ARID2: variants seen among roughly 807,000 people sequenced by gnomAD.
ARID2 encodes the protein AT-rich interaction domain 2, also known as AT-rich interactive domain-containing protein 2.
ARID2 carries 32 observed loss-of-function variants against 184.6 expected under a neutral mutation model. The ratio of observed to expected loss-of-function variants is 0.17; its 90% CI spans 0.13 to 0.23. The LOEUF is 0.23. Among genes scored for constraint, ARID2 ranks in the 10% least tolerant of loss-of-function variants. The pLI, the probability that ARID2 is intolerant of heterozygous loss-of-function variation, is 1.00. For missense variants in ARID2, 1,696 were observed against 2,197.6 expected (o/e 0.77, Z 4.56); for synonymous variants, 836 against 772.6 (o/e 1.08, Z -1.36).
intron 3 of ARID2, among the ~76,000 whole-genome samples, chr12:45,770,680 C>T (rs1199070893): frequency 1.3e-5 from 2 of 152,096 alleles, no homozygotes; most frequent in Non-Finnish European, 2.9e-5. Context: ...TTTATGGCCT[C>T]AGAATAGGGG....
At chr12:45,865,815 A>G (rs890059021) in intron 16 of ARID2, among the ~76,000 whole-genome samples, 1 of 152,118 alleles carries the variant, frequency 6.6e-6, no homozygotes, top group Non-Finnish European at 1.5e-5. Context: ...GTCACAGTGG[A>G]TATTTTGGGC....
At chr12:45,844,613 T>A (rs1171279956) in intron 11 of ARID2, among the ~76,000 whole-genome samples, 4 of 152,234 alleles carry the variant, frequency 2.6e-5, no homozygotes, top group Non-Finnish European at 4.4e-5. Context: ...CTCTCTTTAG[T>A]GTTCCACGTT....
chr12:45,828,591 A>G (rs1186776450), intron 6 of ARID2, among the ~76,000 whole-genome samples: 2 of 151,994 alleles, frequency 1.3e-5, no homozygotes, highest in East Asian at 3.9e-4. Flanking sequence ...CAGCAGTAGT[A>G]TGTCGGTTCC....
At chr12:45,891,951 T>C (rs750378004) in intron 17 of ARID2, 33 bp downstream of exon 17, 10 of 1,614,062 alleles carry the variant, frequency 6.2e-6, no homozygotes, top group Non-Finnish European at 8.5e-6. Flanking sequence ...GATCAGTAAC[T>C]CATTTGACTG....
Position 45,905,940 on chromosome 12 carries a change from C to CTTTTTTTTTTTTTTTTTTTTT in ARID2, c.*873_*874insTTTTTTTTTTTTTTTTTTTTT, listed in dbSNP as rs1362533296. The CTTTTTTTTTTTTTTTTTTTTT allele has an allele frequency of 3.0e-5, 5 of 166,970 alleles. No individual in the cohort carries two copies. Among genetic ancestry groups the CTTTTTTTTTTTTTTTTTTTTT allele is most frequent in the African/African-American group, 1.1e-4 (4 of 35,836 alleles). The allele number at this position is 166,970 out of a possible 1,614,324, so 10.3% of individuals were successfully genotyped here. A position where few individuals can be genotyped will look rare whatever the true frequency, so the allele number is the denominator to read the frequency against. Reference sequence around the variant, plus strand: ...GAACTGTGATTTTTTTTTCTTTTTTCTTTTTTTTTTTCTTTTTTTTTTTGT... The same window carrying CTTTTTTTTTTTTTTTTTTTTT: ...GAACTGTGATTTTTTTTTCTTTTTTCTTTTTTTTTTTTTTTTTTTTTTTTTTTTTTTTCTTTTTTTTTTTGT... On this transcript the variant is annotated 3_prime_UTR_variant, in exon 21 of 21. Transcript: ENST00000334344.
intron 6 of ARID2, 47 bp from the exon 7 acceptor site, chr12:45,836,542 G>A (rs766031938): frequency 1.9e-6 from 3 of 1,538,478 alleles, no homozygotes; most frequent in Non-Finnish European, 2.7e-6. Flanking sequence ...TAAAGCAATA[G>A]AATAGTTGTT....
chr12:45,893,349 T>A, intron 18 of ARID2, 71 bp from the exon 19 acceptor site: 1 of 1,508,784 alleles, frequency 6.6e-7, no homozygotes. Context: ...GTTGGCAGGG[T>A]GGTCATAGTT....
chr12:45,868,193 C>G (rs894465804), intron 16 of ARID2, among the ~76,000 whole-genome samples: 9 of 152,188 alleles, frequency 5.9e-5, no homozygotes, highest in Admixed American at 5.9e-4. Context: ...GTAATCCCAG[C>G]ACTTTGAGAG....
intron 6 of ARID2, among the ~76,000 whole-genome samples, chr12:45,834,727 G>A (rs1051524931): frequency 3.9e-5 from 6 of 152,174 alleles, no homozygotes; most frequent in Non-Finnish European, 8.8e-5. Context: ...GTGATAGAGC[G>A]AGATTCCGTC....
intron 3 of ARID2, among the ~76,000 whole-genome samples, chr12:45,810,042 G>A (rs1942675714): frequency 1.3e-5 from 2 of 152,184 alleles, no homozygotes; most frequent in South Asian, 4.1e-4. Flanking sequence ...GCTCCAAATG[G>A]ACTAAGCACC....
chr12:45,895,889 C>T (rs1944362640), intron 20 of ARID2, among the ~76,000 whole-genome samples: 1 of 151,848 alleles, frequency 6.6e-6, no homozygotes, highest in Admixed American at 6.6e-5. Context: ...GTTGTCTTAA[C>T]CAAAGAGAAG....
At chr12:45,806,463 C>T (rs1221070910) in intron 3 of ARID2, among the ~76,000 whole-genome samples, 2 of 152,104 alleles carry the variant, frequency 1.3e-5, no homozygotes, top group African/African-American at 4.8e-5. Context: ...CCGGTCTCTC[C>T]TATAGGACTA....
intron 3 of ARID2, among the ~76,000 whole-genome samples, chr12:45,779,140 T>C (rs1486480026): frequency 1.3e-5 from 2 of 152,082 alleles, no homozygotes; most frequent in African/African-American, 2.4e-5. Flanking sequence ...AATCTTCTTG[T>C]TCATAAATGT....
In ARID2 at chr12:45,745,482, T is replaced by A. The variant is rs77713592; in HGVS notation, c.284+14168T>A. ...ATTTATTACACTAACCACTCCATTC[T>A]GTTTTAAAAGGAATAATTTTAGAAG... On this transcript the variant is annotated intron_variant, in intron 3 of 20. Transcript: ENST00000334344. Among the ~76,000 whole-genome samples, 1,304 of 152,314 alleles carry A rather than the reference T, an allele frequency of 8.6e-3. 22 individuals carry two copies. The highest frequency in any genetic ancestry group is 0.03 in the African/African-American group (1,255 of 41,568).
chr12:45,857,952 G>A (rs994720072), intron 15 of ARID2, among the ~76,000 whole-genome samples: 2 of 152,152 alleles, frequency 1.3e-5, no homozygotes, highest in Admixed American at 6.5e-5. Flanking sequence ...TAGAGACCAG[G>A]TTTTGCCATG....
intron 20 of ARID2, among the ~76,000 whole-genome samples, chr12:45,900,201 C>A (rs1243351700): frequency 2.0e-5 from 3 of 152,134 alleles, no homozygotes; most frequent in Admixed American, 1.3e-4. Flanking sequence ...GCTGGAACTA[C>A]AGGCTCCCAC....
At chr12:45,896,675 T>A (rs1944372054) in intron 20 of ARID2, among the ~76,000 whole-genome samples, 1 of 152,110 alleles carries the variant, frequency 6.6e-6, no homozygotes, top group African/African-American at 2.4e-5. Flanking sequence ...ATCAGCAGCG[T>A]GAAAACGGAC....
chr12:45,907,844 A>G lies in ARID2; in HGVS notation c.*2766A>G, dbSNP rs1944550658. 4.3e-6 allele frequency: 1 copy of G among 231,946 alleles called. No individual in the cohort carries two copies. Among genetic ancestry groups the G allele is most frequent in the Non-Finnish European group, 8.5e-6 (1 of 117,124 alleles). 14.4% of individuals were successfully genotyped at this position (231,946 alleles called of 1,614,324 possible). On this transcript the variant is annotated 3_prime_UTR_variant, in exon 21 of 21. Transcript: ENST00000334344. ...GCCTAGTGCTCTGTTGGCACTCAAT[A>G]AATTTTAAGTAACAAAATTGATAAT...
intron 20 of ARID2, 68 bp from the exon 21 acceptor site, chr12:45,904,866 A>T (rs1592151468): frequency 6.4e-7 from 1 of 1,560,536 alleles, no homozygotes; most frequent in East Asian, 2.3e-5. Context: ...TTAAACTTGC[A>T]AAATTCATGA....
Sources: allele counts gnomAD v4.1 joint callset (sites outside exome capture counted in the v4.1 genomes callset), GRCh38; gene constraint gnomAD v4.1.1; transcripts MANE v1.5; gene names NCBI Gene and HGNC (gene_info 2026-07-23, HGNC 2026-07-21).